BRINP3: variants seen among roughly 807,000 people sequenced by gnomAD.
BRINP3 encodes BMP/retinoic acid inducible neural specific 3.
Under a neutral mutation model 71.0 loss-of-function variants are expected in BRINP3, and 19 were observed. The observed-to-expected ratio is 0.27, with a 90% CI of 0.19 to 0.39. The LOEUF (loss-of-function observed/expected upper bound fraction) is 0.39. Among genes scored for constraint, BRINP3 ranks in the 10% least tolerant of loss-of-function variants. The pLI is 1.00. For missense variants in BRINP3, 959 were observed against 940.8 expected, an observed-to-expected ratio of 1.02 and a Z score of -0.25; for synonymous variants, 380 against 337.7, an observed-to-expected ratio of 1.13 and a Z score of -1.37.
intron 2 of BRINP3, among the ~76,000 whole-genome samples, chr1:190,425,938 A>T (rs1673674183): frequency 6.6e-6 from 1 of 151,808 alleles, no homozygotes; most frequent in African/African-American, 2.4e-5. Context: ...AACTAACAAA[A>T]AGCCCAGCAT....
intron 2 of BRINP3, among the ~76,000 whole-genome samples, chr1:190,348,785 G>A (rs1256093567): frequency 6.6e-6 from 1 of 152,104 alleles, no homozygotes; most frequent in Admixed American, 6.6e-5. Flanking sequence ...AGGTATAGCA[G>A]ACACACTTCT....
intron 2 of BRINP3, among the ~76,000 whole-genome samples, chr1:190,367,081 G>A (rs1669551933): frequency 6.6e-6 from 1 of 152,196 alleles, no homozygotes; most frequent in Admixed American, 6.5e-5. Flanking sequence ...TAGTGCCCCA[G>A]TGTGGACTCT....
Position 190,124,273 on chromosome 1 carries a change from C to T in BRINP3, c.1185-25139G>A, listed in dbSNP as rs551016060. Among the ~76,000 whole-genome samples the T allele has an allele frequency of 2.0e-5, 3 of 152,258 alleles. No individual in the cohort carries two copies. The South Asian group carries it at 6.2e-4, about 32-fold the overall frequency. On this transcript the variant is annotated intron_variant, in intron 7 of 7. Coordinates refer to ENST00000367462, the MANE Select transcript of BRINP3 (RefSeq NM_199051.3). ...GAGTGCTCTCTCACCCTCTTCTGTT[C>T]TGCTATGGAATGACATAACAAGGCG...
chr1:190,114,148 G>A (rs1169580594), intron 7 of BRINP3, among the ~76,000 whole-genome samples: 1 of 152,078 alleles, frequency 6.6e-6, no homozygotes, highest in African/African-American at 2.4e-5. Flanking sequence ...TGGCCCTGTA[G>A]AAGTGTATGG....
intron 6 of BRINP3, among the ~76,000 whole-genome samples, chr1:190,171,156 C>T (rs1285879839): frequency 6.6e-6 from 1 of 152,040 alleles, no homozygotes; most frequent in African/African-American, 2.4e-5. Flanking sequence ...CTGGCCTAAG[C>T]GGTCAGTGTG....
At chr1:190,239,123 G>A (rs573176162) in intron 4 of BRINP3, among the ~76,000 whole-genome samples, 29 of 151,938 alleles carry the variant, frequency 1.9e-4, no homozygotes, top group Non-Finnish European at 3.4e-4. Context: ...AACAGTTTGG[G>A]GGAAACCACA....
chr1:190,181,173 T>C (rs909824500), intron 6 of BRINP3, among the ~76,000 whole-genome samples: 8 of 152,126 alleles, frequency 5.3e-5, no homozygotes, highest in African/African-American at 1.9e-4. Flanking sequence ...TTTTCTCTAA[T>C]TGGCTTTTTT....
chr1:190,451,759 A>G (rs1343256619), intron 2 of BRINP3, among the ~76,000 whole-genome samples: 1 of 152,170 alleles, frequency 6.6e-6, no homozygotes, highest in East Asian at 1.9e-4. Context: ...TTCAAACATG[A>G]TGACAATTTT....
At chr1:190,324,707 A>G (rs1666467747) in intron 2 of BRINP3, among the ~76,000 whole-genome samples, 1 of 151,926 alleles carries the variant, frequency 6.6e-6, no homozygotes, top group Non-Finnish European at 1.5e-5. Flanking sequence ...ATTTTAAATA[A>G]TAGATATCCA....
intron 6 of BRINP3, among the ~76,000 whole-genome samples, chr1:190,190,725 A>G (rs1653962620): frequency 6.6e-6 from 1 of 152,114 alleles, no homozygotes; most frequent in South Asian, 2.1e-4. Flanking sequence ...TTGAAATAAA[A>G]TACTTACTGT....
At chr1:190,216,318 T>C (rs1329112672) in intron 6 of BRINP3, among the ~76,000 whole-genome samples, 1 of 151,720 alleles carries the variant, frequency 6.6e-6, no homozygotes, top group Non-Finnish European at 1.5e-5. Flanking sequence ...TGTGAGGTTT[T>C]GTGTGTTTCA....
intron 2 of BRINP3, among the ~76,000 whole-genome samples, chr1:190,365,800 G>A (rs1485551498): frequency 2.1e-5 from 2 of 96,342 alleles, no homozygotes; most frequent in African/African-American, 3.8e-5. Context: ...CAATGAGAGA[G>A]CAAGTGTATA....
At chr1:190,462,765 T>C (rs748104736) in intron 1 of BRINP3, among the ~76,000 whole-genome samples, 1 of 152,094 alleles carries the variant, frequency 6.6e-6, no homozygotes, top group Non-Finnish European at 1.5e-5. Context: ...AGTTTTCCTG[T>C]TGTACTCTAC....
intron 2 of BRINP3, among the ~76,000 whole-genome samples, chr1:190,440,722 G>A (rs985183374): frequency 4.6e-5 from 7 of 151,918 alleles, no homozygotes; most frequent in Non-Finnish European, 7.4e-5. Flanking sequence ...TGTTGTCTTC[G>A]CCTCTCCAGT....
intron 7 of BRINP3, among the ~76,000 whole-genome samples, chr1:190,144,140 T>A (rs2102399749): frequency 6.6e-6 from 1 of 152,222 alleles, no homozygotes; most frequent in East Asian, 1.9e-4. Context: ...CCAAGAAAAT[T>A]ACAGGAAATT....
intron 1 of BRINP3, among the ~76,000 whole-genome samples, chr1:190,457,344 T>C (rs1571363075): frequency 6.6e-6 from 1 of 152,188 alleles, no homozygotes. Flanking sequence ...TTCTAGATGC[T>C]GAAGCACGAG....
chr1:190,458,536 A>T (rs1676162992), intron 1 of BRINP3, among the ~76,000 whole-genome samples: 2 of 152,060 alleles, frequency 1.3e-5, no homozygotes, highest in African/African-American at 4.8e-5. Context: ...CATTTAATTC[A>T]TATTTTCATG....
intron 2 of BRINP3, among the ~76,000 whole-genome samples, chr1:190,291,145 C>T (rs1663834621): frequency 1.3e-5 from 2 of 152,056 alleles, no homozygotes; most frequent in South Asian, 4.1e-4. Flanking sequence ...AGAATGTAAA[C>T]CTCTACATGG....
At chr1:190,305,345 T>C (rs1166413437) in intron 2 of BRINP3, among the ~76,000 whole-genome samples, 1 of 151,780 alleles carries the variant, frequency 6.6e-6, no homozygotes, top group East Asian at 1.9e-4. Context: ...AGATATGGAA[T>C]CAATCCAAAT....
Sources: gnomAD v4.1 joint callset for allele counts (sites outside exome capture counted in the v4.1 genomes callset) on GRCh38, gnomAD v4.1.1 for gene constraint, MANE v1.5 for transcripts, NCBI Gene and HGNC (gene_info 2026-07-23, HGNC 2026-07-21) for gene names.